CNST: variants seen among roughly 807,000 people sequenced by gnomAD.
CNST encodes consortin, connexin sorting protein, also known as consortin.
In CNST, 39 loss-of-function variants were observed where a neutral mutation model predicts 72.4. That is an observed-to-expected ratio of 0.54 (90% CI 0.42 to 0.70). The LOEUF is 0.70. CNST is among the 30% of genes least tolerant of loss of function. The probability of loss-of-function intolerance (pLI) is 0.00; values close to 1 mark genes in which losing one functional copy is unlikely to be tolerated. For missense variants in CNST, 871 were observed against 868.5 expected, an observed-to-expected ratio of 1.00 and a Z score of -0.04; for synonymous variants, 332 against 320.1, an observed-to-expected ratio of 1.04 and a Z score of -0.40.
intron 10 of CNST, among the ~76,000 whole-genome samples, chr1:246,664,104 C>T (rs995695971): frequency 1.7e-4 from 26 of 152,252 alleles, no homozygotes; most frequent in African/African-American, 5.3e-4. Context: ...AATCATGAGT[C>T]TTAGACATCC....
At chr1:246,662,994 G>GA (rs1481217449) in intron 10 of CNST, among the ~76,000 whole-genome samples, 2 of 152,154 alleles carry the variant, frequency 1.3e-5, no homozygotes, top group Non-Finnish European at 2.9e-5. Context: ...TGATAATGAA[G>GA]AAAAATACTT....
chr1:246,629,351 G>A (rs1664631392), intron 3 of CNST, among the ~76,000 whole-genome samples: 1 of 151,800 alleles, frequency 6.6e-6, no homozygotes, highest in African/African-American at 2.4e-5. Flanking sequence ...ATTTTTAAAG[G>A]GGAAATACTT....
intron 9 of CNST, among the ~76,000 whole-genome samples, chr1:246,651,617 A>G: frequency 6.6e-6 from 1 of 152,322 alleles, no homozygotes; most frequent in Middle Eastern, 3.4e-3. Flanking sequence ...AAAAATGTCT[A>G]TACTATTTAT....
intron 2 of CNST, among the ~76,000 whole-genome samples, chr1:246,601,191 G>A (rs1287294286): frequency 6.6e-6 from 1 of 152,080 alleles, no homozygotes; most frequent in Non-Finnish European, 1.5e-5. Flanking sequence ...TGTAGTCCCA[G>A]CTACTCAGGA....
In CNST at chr1:246,620,247, C is replaced by T; in HGVS notation, c.380-1182C>T. Among the ~76,000 whole-genome samples the T allele has an allele frequency of 1.2e-4, 2 of 16,280 alleles. 1 individual carries two copies. 10.7% of individuals were successfully genotyped at this position (16,280 alleles called of 152,430 possible). On this transcript the variant is annotated intron_variant, in intron 2 of 10. Transcript: ENST00000366513. ...CATCGTGGTGCATACACACGATGGG[C>T]TCTGGGAACACTCTACAGGGAGGAC... is the stretch of plus-strand genomic sequence containing the variant.
At chr1:246,623,409 A>G (rs1344133616) in intron 3 of CNST, among the ~76,000 whole-genome samples, 1 of 152,170 alleles carries the variant, frequency 6.6e-6, no homozygotes, top group Non-Finnish European at 1.5e-5. Context: ...ATGATGTTAC[A>G]TTAGGATCAG....
At position 246,647,202 on chromosome 1, in the gene CNST, G is replaced by A; in HGVS notation, c.1001G>A (p.Gly334Glu). 1 of 1,614,066 alleles carries A rather than the reference G, an allele frequency of 6.2e-7. No individual in the cohort carries two copies. The highest frequency in any genetic ancestry group is 8.5e-7 in the Non-Finnish European group (1 of 1,179,946). The change falls in exon 9 of 11, where the codon GGG (glycine) becomes GAG (glutamate). Residue 334 changes from glycine to glutamate, a missense_variant. Gly to Glu is a moderately conservative substitution (Grantham distance 98, BLOSUM62 -2). Coordinates refer to ENST00000366513, the MANE Select transcript of CNST (RefSeq NM_152609.3). ...KESQHTVEPL[G>E]SSPCCHQMDV... is the part of the protein sequence containing the mutation. ...AGCCAACATACAGTGGAGCCCCTGG[G>A]GAGCAGTCCCTGCTGTCATCAGATG...
rs1667412850 is a variant in CNST, at chr1:246,666,904, T to A, written c.*999T>A. On this transcript the variant is annotated 3_prime_UTR_variant, in exon 11 of 11. Transcript: ENST00000366513. ...GCTGAGTGAAATCACCATATAGAAT[T>A]CAGTATTAACAGATCATGCATTCAG... 1 of 152,176 alleles carries A rather than the reference T, an allele frequency of 6.6e-6. No individual in the cohort carries two copies. Among genetic ancestry groups the A allele is most frequent in the South Asian group, 2.1e-4 (1 of 4,826 alleles). 9.4% of individuals were successfully genotyped at this position (152,176 alleles called of 1,614,324 possible).
intron 1 of CNST, among the ~76,000 whole-genome samples, chr1:246,569,437 T>A (rs1659929160): frequency 6.6e-6 from 1 of 152,196 alleles, no homozygotes; most frequent in Non-Finnish European, 1.5e-5. Flanking sequence ...GGTCACATGA[T>A]TTTTAAGCTG....
chr1:246,642,055 G>T lies in CNST; in HGVS notation c.937+18G>T. 1 of 1,476,624 alleles carries T rather than the reference G, an allele frequency of 6.8e-7. No individual in the cohort carries two copies. The highest frequency in any genetic ancestry group is 9.3e-7 in the Non-Finnish European group (1 of 1,071,162). The allele number at this position is 1,476,624 out of a possible 1,614,324, so 91.5% of individuals were successfully genotyped here. On this transcript the variant is annotated intron_variant, in intron 8 of 10. Coordinates refer to ENST00000366513, the MANE Select transcript of CNST (RefSeq NM_152609.3). ...AGAGTCAGGTATGTTTTTAACTTAA[G>T]CTATGGAGCAACGTAAAAGATACCT...
intron 9 of CNST, among the ~76,000 whole-genome samples, chr1:246,654,028 C>T (rs954432439): frequency 3.9e-5 from 6 of 152,196 alleles, no homozygotes; most frequent in African/African-American, 1.4e-4. Flanking sequence ...ATCGAACACA[C>T]GGACTGTGAG....
chr1:246,613,355 T>C (rs1246852404), intron 2 of CNST, among the ~76,000 whole-genome samples: 1 of 152,124 alleles, frequency 6.6e-6, no homozygotes, highest in African/African-American at 2.4e-5. Context: ...GATTCCTGCC[T>C]GCCAGCCTCA....
chr1:246,645,083 T>C (rs944212308), intron 8 of CNST, among the ~76,000 whole-genome samples: 3 of 152,164 alleles, frequency 2.0e-5, no homozygotes, highest in Admixed American at 6.5e-5. Context: ...GCATCTGATA[T>C]TTGAGTCAGG....
At chr1:246,645,423 ACTT>A (rs1665983917) in intron 8 of CNST, among the ~76,000 whole-genome samples, 1 of 106,072 alleles carries the variant, frequency 9.4e-6, no homozygotes, top group Non-Finnish European at 1.9e-5. Flanking sequence ...AAAGGTTAAA[ACTT>A]TTTTTTTTTT....
At chr1:246,600,052 G>A (rs1277741007) in intron 2 of CNST, among the ~76,000 whole-genome samples, 1 of 152,172 alleles carries the variant, frequency 6.6e-6, no homozygotes, top group African/African-American at 2.4e-5. Context: ...GGAGGAGTTG[G>A]TATCTAAGCT....
chr1:246,578,236 A>C (rs1660557175), intron 1 of CNST, among the ~76,000 whole-genome samples: 2 of 152,240 alleles, frequency 1.3e-5, no homozygotes, highest in South Asian at 4.1e-4. Flanking sequence ...TAACTTGAGA[A>C]AAATTCTAAA....
intron 1 of CNST, among the ~76,000 whole-genome samples, chr1:246,567,478 A>G (rs1256282208): frequency 6.6e-6 from 1 of 152,158 alleles, no homozygotes; most frequent in African/African-American, 2.4e-5. Context: ...AACGGCAGCC[A>G]ATCAACTCCG....
At chr1:246,660,137 A>G in intron 9 of CNST, 62 bp from the exon 10 acceptor site, 1 of 1,384,916 alleles carries the variant, frequency 7.2e-7, no homozygotes, top group Non-Finnish European at 9.7e-7. Context: ...GCCTTTTTAT[A>G]GCTACATGTA....
chr1:246,567,670 G>A (rs1438111574), intron 1 of CNST, among the ~76,000 whole-genome samples: 3 of 152,206 alleles, frequency 2.0e-5, no homozygotes, highest in Admixed American at 6.5e-5. Context: ...GACCTTTTGT[G>A]TATTATAAAT....
Sources: allele counts gnomAD v4.1 joint callset (sites outside exome capture counted in the v4.1 genomes callset), GRCh38; gene constraint gnomAD v4.1.1; transcripts MANE v1.5; gene names NCBI Gene and HGNC (gene_info 2026-07-23, HGNC 2026-07-21).